Variants in PSD3 observed in about 807,000 individuals in gnomAD.
The protein encoded by PSD3 is PH and SEC7 domain-containing protein 3.
PSD3 carries 49 observed loss-of-function variants against 105.5 expected under a neutral mutation model. The ratio of observed to expected loss-of-function variants is 0.46; its 90% confidence interval spans 0.37 to 0.59. The LOEUF is 0.59. Ranked by LOEUF, PSD3 falls within the 20% of genes least tolerant of loss-of-function variation. The pLI, the probability that PSD3 is intolerant of heterozygous loss-of-function variation, is 0.00. For synonymous variants in PSD3, 557 were observed against 457.8 expected (o/e 1.22, Z -2.77); for missense variants, 1,561 against 1,263.8 (o/e 1.24, Z -3.57).
chr8:19,027,864 C>T (rs947563016), intron 1 of PSD3, among the ~76,000 whole-genome samples: 2 of 152,078 alleles, frequency 1.3e-5, no homozygotes, highest in African/African-American at 2.4e-5. Context: ...TGAGTACTGT[C>T]CAGTTTTGGC....
chr8:18,797,986 G>A (rs905903626), intron 8 of PSD3, among the ~76,000 whole-genome samples: 3 of 152,098 alleles, frequency 2.0e-5, no homozygotes, highest in Non-Finnish European at 4.4e-5. Context: ...GGTGCAAAGA[G>A]CAACTGTTAT....
At chr8:18,587,043 A>G (rs1333305232) in intron 12 of PSD3, among the ~76,000 whole-genome samples, 1 of 152,198 alleles carries the variant, frequency 6.6e-6, no homozygotes, top group African/African-American at 2.4e-5. Flanking sequence ...ACTTTGGGCC[A>G]GGGCTTTTTT....
intron 4 of PSD3, among the ~76,000 whole-genome samples, chr8:18,867,012 C>T (rs1385199134): frequency 2.0e-5 from 3 of 151,974 alleles, no homozygotes; most frequent in South Asian, 2.1e-4. Flanking sequence ...TAAATAGTCG[C>T]GGAATCCCCA....
chr8:18,611,311 G>C (rs1487928589), intron 11 of PSD3, among the ~76,000 whole-genome samples: 1 of 151,648 alleles, frequency 6.6e-6, no homozygotes, highest in Non-Finnish European at 1.5e-5. Context: ...TATGTTAGCA[G>C]GAAGACATGG....
At chr8:18,872,779 G>C (rs758583450) in intron 2 of PSD3, 46 bp from the exon 3 acceptor site, 1 of 1,473,692 alleles carries the variant, frequency 6.8e-7, no homozygotes, top group East Asian at 2.3e-5. Flanking sequence ...TAGAAAGACA[G>C]GGCCCAGTAG....
At chr8:18,540,037 G>T (rs1223352486) in intron 15 of PSD3, among the ~76,000 whole-genome samples, 1 of 152,130 alleles carries the variant, frequency 6.6e-6, no homozygotes, top group Non-Finnish European at 1.5e-5. Context: ...AGCGTGCCCA[G>T]CCCCATGAGA....
At chr8:18,553,968 C>T (rs553460781) in intron 15 of PSD3, among the ~76,000 whole-genome samples, 1 of 152,042 alleles carries the variant, frequency 6.6e-6, no homozygotes, top group African/African-American at 2.4e-5. Flanking sequence ...GCTGAGGTGA[C>T]GATTTGATGA....
At chr8:19,068,737 G>A (rs541011874) in intron 1 of PSD3, among the ~76,000 whole-genome samples, 2 of 148,600 alleles carry the variant, frequency 1.3e-5, no homozygotes, top group East Asian at 4.1e-4. Flanking sequence ...TTGTGCACAT[G>A]TACCCTAGAA....
At chr8:18,557,370 A>C (rs1801145331) in intron 14 of PSD3, 1 of 152,304 alleles carries the variant, frequency 6.6e-6, no homozygotes, top group South Asian at 2.1e-4. Flanking sequence ...TAAACAGAAA[A>C]TGAATAACTA....
chr8:18,630,731 G>A (rs1806836429), intron 11 of PSD3, among the ~76,000 whole-genome samples: 1 of 151,674 alleles, frequency 6.6e-6, no homozygotes, highest in Non-Finnish European at 1.5e-5. Flanking sequence ...TGTGGGTTCT[G>A]CAACTGTGTA....
chr8:18,922,924 G>C (rs1206339516), intron 2 of PSD3, among the ~76,000 whole-genome samples: 2 of 152,202 alleles, frequency 1.3e-5, no homozygotes. Context: ...GAACCTCCAT[G>C]TGTTCGTCTT....
intron 4 of PSD3, among the ~76,000 whole-genome samples, chr8:18,823,816 C>A (rs908123419): frequency 4.9e-5 from 7 of 144,060 alleles, no homozygotes; most frequent in East Asian, 2.1e-4. Context: ...ACACACACAC[C>A]CCATTCCATG....
At chr8:18,790,234 A>G (rs565468669) in intron 8 of PSD3, among the ~76,000 whole-genome samples, 9 of 152,228 alleles carry the variant, frequency 5.9e-5, no homozygotes, top group Admixed American at 3.9e-4. Flanking sequence ...GCAATATGAT[A>G]GTAAATTATA....
chr8:18,734,244 G>C (rs1298843701), intron 9 of PSD3: 1 of 152,086 alleles, frequency 6.6e-6, no homozygotes, highest in Admixed American at 6.6e-5. Flanking sequence ...CAAAGCCCAA[G>C]TTTCTTCATC....
rs997682279 is a variant in PSD3 at position 18,530,740 on chromosome 8, C to G, written c.*5003G>C. On this transcript the variant is annotated 3_prime_UTR_variant, in exon 16 of 16. Transcript: ENST00000327040. ...TTTCCCAAATTACAGGGAGCTATGC[C>G]CTTGGTATTGCACACAGTACACTGC... The G allele has an allele frequency of 1.3e-5, 2 of 151,146 alleles. No individual in the cohort carries two copies. The highest frequency in any genetic ancestry group is 2.9e-5 in the Non-Finnish European group (2 of 67,904). 9.4% of individuals were successfully genotyped at this position (151,146 alleles called of 1,614,324 possible). A position where few individuals can be genotyped will look rare whatever the true frequency, so the allele number is the denominator to read the frequency against.
chr8:18,934,787 T>G (rs532918980), intron 2 of PSD3, among the ~76,000 whole-genome samples: 1 of 152,328 alleles, frequency 6.6e-6, no homozygotes, highest in South Asian at 2.1e-4. Context: ...GATCCAGAAC[T>G]CAGAGAATAT....
chr8:18,770,906 G>C (rs970508537), intron 8 of PSD3, among the ~76,000 whole-genome samples: 1 of 152,192 alleles, frequency 6.6e-6, no homozygotes, highest in African/African-American at 2.4e-5. Context: ...ACAAATTGGA[G>C]GATGGTAAAT....
rs1176937098 is a variant in PSD3 at position 18,621,741 on chromosome 8, G to A, written c.2410+10872C>T. Among the ~76,000 whole-genome samples, 6 of 152,180 alleles carry A rather than the reference G, an allele frequency of 3.9e-5. No individual in the cohort carries two copies. In the East Asian group the frequency reaches 1.2e-3, roughly 29 times the overall value. ...AGAGAACAGCCAAGTGCCAAGGGAA[G>A]GGAAAACCTTAGCCTAGTTTTAAAA... On this transcript the variant is annotated intron_variant, in intron 11 of 15. Coordinates refer to ENST00000327040, the MANE Select transcript of PSD3 (RefSeq NM_015310.4).
At chr8:18,910,992 C>A (rs1470477374) in intron 2 of PSD3, among the ~76,000 whole-genome samples, 1 of 151,874 alleles carries the variant, frequency 6.6e-6, no homozygotes, top group Non-Finnish European at 1.5e-5. Flanking sequence ...CCTGTAGTCC[C>A]AGCTACTCAG....
Sources: allele counts gnomAD v4.1 joint callset (sites outside exome capture counted in the v4.1 genomes callset), GRCh38; gene constraint gnomAD v4.1.1; transcripts MANE v1.5; gene names NCBI Gene and HGNC (gene_info 2026-07-23, HGNC 2026-07-21).